The following TLN2 variants were observed in gnomAD, a reference collection of about 807,000 sequenced individuals.
TLN2 encodes the protein talin 2.
Under a neutral mutation model 294.7 loss-of-function variants are expected in TLN2, and 118 were observed. That is an observed-to-expected ratio of 0.40 (90% CI 0.34 to 0.47). TLN2 has a LOEUF of 0.47. TLN2 is among the 20% of genes least tolerant of loss of function. The pLI, the probability that TLN2 is intolerant of heterozygous loss-of-function variation, is 0.84. For missense variants in TLN2, 3,083 were observed against 3,282.2 expected, an observed-to-expected ratio of 0.94 and a Z score of 1.48; for synonymous variants, 1,431 against 1,304.5, an observed-to-expected ratio of 1.10 and a Z score of -2.09.
intron 2 of TLN2, among the ~76,000 whole-genome samples, chr15:62,596,135 G>A (rs1330630715): frequency 6.6e-6 from 1 of 151,966 alleles, no homozygotes; most frequent in Non-Finnish European, 1.5e-5. Flanking sequence ...CGCAGTGGCA[G>A]GCGCCTGTAG....
rs2141101880 is a variant in TLN2 at position 62,702,689 on chromosome 15, C to T, written c.1906-77C>T. On this transcript the variant is annotated intron_variant, in intron 18 of 58. Coordinates refer to ENST00000636159, the MANE Select transcript of TLN2 (RefSeq NM_015059.3). ...AGGGAGCAAATTCTGTGAGATTCTA[C>T]TTCCTGTACTTCCATGTCTGATGGC... 3.5e-6 allele frequency: 5 copies of T among 1,424,422 alleles called. No homozygotes were observed. In the South Asian group the frequency reaches 4.6e-5, roughly 13 times the overall value. 88.2% of individuals were successfully genotyped at this position (1,424,422 alleles called of 1,614,324 possible).
chr15:62,740,345 C>T (rs907459005), intron 31 of TLN2: 6 of 319,624 alleles, frequency 1.9e-5, no homozygotes, highest in Non-Finnish European at 3.5e-5. Context: ...TCCCACCCTG[C>T]TCCCCGCTTA....
chr15:62,694,335 T>C lies in TLN2; in HGVS notation c.1235T>C (p.Phe412Ser), dbSNP rs763987024. Reference protein sequence around the residue: ...ILKKKQSKDRFGLEGDEESTM... With the variant: ...ILKKKQSKDRSGLEGDEESTM... ...TTCCAGAAACAAAGTAAAGATCGAT[T>C]TGGACTAGAAGGTGATGAGGAGTCA... The change falls in exon 14 of 59, where the codon TTT becomes TCT. Residue 412 changes from phenylalanine to serine, a missense_variant. Phe to Ser is a radical substitution (Grantham distance 155, BLOSUM62 -2). Transcript: ENST00000636159. 1.2e-6 allele frequency: 2 copies of C among 1,614,120 alleles called. No individual in the cohort carries two copies. The highest frequency in any genetic ancestry group is 1.7e-5 in the Admixed American group (1 of 60,016).
At chr15:62,415,282 C>T (rs1480435838) in intron 1 of TLN2, among the ~76,000 whole-genome samples, 5 of 140,982 alleles carry the variant, frequency 3.5e-5, no homozygotes, top group Non-Finnish European at 7.6e-5. Context: ...GAGAGGTGCC[C>T]GAACTGACTG....
chr15:62,762,874 G>A (rs2062763841), intron 39 of TLN2, among the ~76,000 whole-genome samples: 1 of 152,280 alleles, frequency 6.6e-6, no homozygotes, highest in East Asian at 1.9e-4. Flanking sequence ...TGTGGTTGCA[G>A]TTAGTTTGCT....
intron 1 of TLN2, among the ~76,000 whole-genome samples, chr15:62,432,798 C>T (rs2035079600): frequency 1.3e-5 from 2 of 151,980 alleles, no homozygotes; most frequent in South Asian, 4.2e-4. Context: ...TGGTTTATGC[C>T]CTAGAATGCA....
chr15:62,459,398 A>T (rs1021139906), intron 1 of TLN2, among the ~76,000 whole-genome samples: 1 of 150,350 alleles, frequency 6.7e-6, no homozygotes, highest in African/African-American at 2.5e-5. Flanking sequence ...ATAAGAATGC[A>T]CTTTATTTTA....
intron 9 of TLN2, among the ~76,000 whole-genome samples, chr15:62,667,248 G>T (rs541270798): frequency 6.6e-6 from 1 of 152,214 alleles, no homozygotes; most frequent in Non-Finnish European, 1.5e-5. Context: ...TTACAGGCGT[G>T]AGCCACCGTG....
Position 62,657,756 on chromosome 15 carries a change from C to T in TLN2, c.661-15C>T, listed in dbSNP as rs1434519908. Reference sequence around the variant, plus strand: ...CCCGAAGCCTCTGATGCTTTTCCTTCCTCTTGTGTTTCAGGCACGGGATGA... The same window carrying T: ...CCCGAAGCCTCTGATGCTTTTCCTTTCTCTTGTGTTTCAGGCACGGGATGA... On this transcript the variant is annotated splice_polypyrimidine_tract_variant and intron_variant, in intron 8 of 58. Transcript: ENST00000636159. 6.2e-7 allele frequency: 1 copy of T among 1,609,094 alleles called. No homozygotes were observed. Among genetic ancestry groups the T allele is most frequent in the Admixed American group, 1.7e-5 (1 of 58,812 alleles).
chr15:62,775,875 T>C (rs1384205433), intron 42 of TLN2, among the ~76,000 whole-genome samples: 1 of 152,222 alleles, frequency 6.6e-6, no homozygotes, highest in Non-Finnish European at 1.5e-5. Flanking sequence ...CATGATTTCC[T>C]CCTAGACTGC....
At chr15:62,834,913 T>C (rs925414136) in intron 55 of TLN2, 1 of 152,144 alleles carries the variant, frequency 6.6e-6, no homozygotes, top group Non-Finnish European at 1.5e-5. Context: ...CCAACGAACT[T>C]ACGTGTTCAA....
intron 3 of TLN2, among the ~76,000 whole-genome samples, chr15:62,643,225 G>T (rs1011904638): frequency 6.6e-6 from 1 of 152,098 alleles, no homozygotes; most frequent in Non-Finnish European, 1.5e-5. Context: ...TAATGTTGTA[G>T]ATTACAAAGT....
In TLN2 at chr15:62,673,884, C is replaced by A. The variant is rs146449510; in HGVS notation, c.846C>A (p.Ile282=). Residue 282 remains isoleucine, a synonymous_variant, in exon 10 of 59, where the codon ATC becomes ATA. Coordinates refer to ENST00000636159, the MANE Select transcript of TLN2 (RefSeq NM_015059.3). ...YIKQRGAEKR[I]FQEHKNCGEM... ...AGCAGAGAGGAGCTGAAAAGAGGAT[C>A]TTTCAGGTATTGGAAATGTACAGAA... The A allele has an allele frequency of 5.0e-6, 8 of 1,612,456 alleles. No individual in the cohort carries two copies. The African/African-American group carries it at 1.1e-4, about 22-fold the overall frequency.
In TLN2 at chr15:62,776,772, C is replaced by T. The variant is rs1199789565; in HGVS notation, c.5376C>T (p.His1792=). 1.9e-6 allele frequency: 3 copies of T among 1,547,568 alleles called. No homozygotes were observed. The highest frequency in any genetic ancestry group is 2.6e-6 in the Non-Finnish European group (3 of 1,142,674). Reference sequence around the variant, plus strand: ...CACAATTCCCTTCTCAGGCACAACACACCCATGACGCCATCACAGAGGCCG... The same window carrying T: ...CACAATTCCCTTCTCAGGCACAACATACCCATGACGCCATCACAGAGGCCG... ...KEGGGNPKAQ[H]THDAITEAAQ... The change falls in exon 43 of 59, where the codon CAC becomes CAT. Residue 1792 remains histidine, a synonymous_variant. Coordinates refer to ENST00000636159, the MANE Select transcript of TLN2 (RefSeq NM_015059.3).
At chr15:62,492,964 G>A (rs1029037215) in intron 1 of TLN2, among the ~76,000 whole-genome samples, 2 of 152,194 alleles carry the variant, frequency 1.3e-5, no homozygotes, top group African/African-American at 4.8e-5. Flanking sequence ...TGACATTTGA[G>A]GACTCGGAGA....
Position 62,800,369 on chromosome 15 carries a change from T to C in TLN2, c.6236T>C (p.Val2079Ala). 1 of 1,613,522 alleles carries C rather than the reference T, an allele frequency of 6.2e-7. No individual in the cohort carries two copies. Among genetic ancestry groups the C allele is most frequent in the Non-Finnish European group, 8.5e-7 (1 of 1,179,864 alleles). The stretch of plus-strand genomic sequence containing the variant: ...CCTGAGTTCTGTGCTCTCTTTCAGG[T>C]GGTTTTGATCAATGCCATCAAAGAT... ...SLGSDDPETQ[V>A]VLINAIKDVA... Residue 2079 changes from valine to alanine, a missense_variant and splice_region_variant, in exon 49 of 59, where the codon GTG becomes GCG. Coordinates refer to ENST00000636159, the MANE Select transcript of TLN2 (RefSeq NM_015059.3).
chr15:62,699,250 C>A (rs1480702044), intron 16 of TLN2, among the ~76,000 whole-genome samples: 1 of 152,152 alleles, frequency 6.6e-6, no homozygotes, highest in African/African-American at 2.4e-5. Context: ...TTAGCACAGC[C>A]CCTCGCACAT....
intron 1 of TLN2, among the ~76,000 whole-genome samples, chr15:62,474,080 C>T (rs756412708): frequency 1.3e-5 from 2 of 152,032 alleles, no homozygotes; most frequent in Non-Finnish European, 2.9e-5. Flanking sequence ...GGGTAACGAG[C>T]GAAAGTCTGT....
chr15:62,535,907 T>C (rs1020821546), intron 1 of TLN2, among the ~76,000 whole-genome samples: 2 of 152,240 alleles, frequency 1.3e-5, no homozygotes, highest in African/African-American at 4.8e-5. Context: ...TGTGTGTGTA[T>C]GAACCGTTCT....
Sources: allele counts gnomAD v4.1 joint callset (sites outside exome capture counted in the v4.1 genomes callset), GRCh38; gene constraint gnomAD v4.1.1; transcripts MANE v1.5; gene names NCBI Gene and HGNC (gene_info 2026-07-23, HGNC 2026-07-21).